Variants in ASXL1 observed in about 807,000 individuals in gnomAD.
ASXL1 encodes the protein ASXL transcriptional regulator 1.
A neutral mutation model predicts 89.1 loss-of-function variants in ASXL1; 65 were observed. The observed-to-expected ratio is 0.73, with a 90% CI of 0.60 to 0.90. The LOEUF is 0.90. Ranked by LOEUF, ASXL1 falls within the 40% of genes least tolerant of loss-of-function variation. The probability of loss-of-function intolerance (pLI) is 0.00; values close to 1 mark genes in which losing one functional copy is unlikely to be tolerated. For missense variants in ASXL1, 1,786 were observed against 1,942.9 expected (o/e 0.92, Z 1.52); for synonymous variants, 739 against 746.9 (o/e 0.99, Z 0.17).
rs2048050678 is a variant in ASXL1 at position 32,358,570 on chromosome 20, C to T, written c.-206C>T. The stretch of plus-strand genomic sequence containing the variant: ...ACTGACGCAGCGCGGGCGCGTGGAG[C>T]CGCCGCCGCCCCTCCCCCACCGCCG... On this transcript the variant is annotated 5_prime_UTR_variant, in exon 1 of 13. Coordinates refer to ENST00000375687, the MANE Select transcript of ASXL1 (RefSeq NM_015338.6). 4 of 201,236 alleles carry T rather than the reference C, an allele frequency of 2.0e-5. No homozygotes were observed. Among genetic ancestry groups the T allele is most frequent in the Non-Finnish European group, 1.0e-5 (1 of 98,296 alleles). The allele number at this position is 201,236 out of a possible 1,614,324, so 12.5% of individuals were successfully genotyped here.
rs759768826 is a variant in ASXL1 at position 32,437,091 on chromosome 20, C to T, written c.4379C>T (p.Ser1460Phe). ...SSTSFNYSSS[S>F]PTFPKGLAGS... is the part of the protein sequence containing the mutation. Reference sequence around the variant, plus strand: ...ACCAGCTTTAATTATTCCTCTAGCTCTCCCACCTTTCCCAAAGGCCTTGCT... The same window carrying T: ...ACCAGCTTTAATTATTCCTCTAGCTTTCCCACCTTTCCCAAAGGCCTTGCT... Residue 1460 changes from serine (S) to phenylalanine (F), a missense_variant, in exon 13 of 13, where the codon TCT becomes TTT. This residue lies in a region of ASXL1 where 1,418 missense variants were observed against 1,427.8 expected (regional missense o/e 0.99). Transcript: ENST00000375687. 2.4e-5 allele frequency: 38 copies of T among 1,614,088 alleles called. No individual in the cohort carries two copies. The highest frequency in any genetic ancestry group is 1.7e-6 in the Non-Finnish European group (2 of 1,180,048).
At chr20:32,369,309 C>A (rs759713091) in intron 4 of ASXL1, among the ~76,000 whole-genome samples, 186 bp downstream of exon 4, 1 of 152,008 alleles carries the variant, frequency 6.6e-6, no homozygotes, top group Non-Finnish European at 1.5e-5. Flanking sequence ...TGCAATGGGG[C>A]GAGATCTCGG....
In ASXL1 at chr20:32,434,624, A is replaced by G. The variant is rs2011670609; in HGVS notation, c.1912A>G (p.Thr638Ala). ...RGHHCHREAA[T>A]TAIGGGGGPG... ...TCACCACTGCCATAGAGAGGCGGCC[A>G]CCACTGCCATCGGAGGGGGGGGTGG... The change falls in exon 13 of 13, where the codon ACC becomes GCC. Residue 638 changes from threonine to alanine, a missense_variant. Around this residue, in one of 3 missense-constraint regions of ASXL1, gnomAD observed 1,418 missense variants for 1,427.8 expected, o/e 0.99. Coordinates refer to ENST00000375687, the MANE Select transcript of ASXL1 (RefSeq NM_015338.6). 2 of 1,609,494 alleles carry G rather than the reference A, an allele frequency of 1.2e-6. No homozygotes were observed. The highest frequency in any genetic ancestry group is 1.3e-5 in the African/African-American group (1 of 74,776).
chr20:32,392,807 G>T (rs925353003), intron 4 of ASXL1, among the ~76,000 whole-genome samples: 7 of 151,830 alleles, frequency 4.6e-5, no homozygotes, highest in African/African-American at 1.7e-4. Context: ...ACTGATTTTT[G>T]ATTTAATTCC....
chr20:32,436,942 C>T lies in ASXL1; in HGVS notation c.4230C>T (p.Phe1410=), dbSNP rs761167291. The change falls in exon 13 of 13, where the codon TTC becomes TTT. Residue 1410 remains phenylalanine (F), a synonymous_variant. Transcript: ENST00000375687. ...EGMPFVMDLP[F]WKLPREPGKG... is the part of the protein sequence containing the mutation. Reference sequence around the variant, plus strand: ...TGCCCTTTGTCATGGACTTGCCCTTCTGGAAATTACCCCGAGAGCCAGGGA... The same window carrying T: ...TGCCCTTTGTCATGGACTTGCCCTTTTGGAAATTACCCCGAGAGCCAGGGA... 10 of 1,614,198 alleles carry T rather than the reference C, an allele frequency of 6.2e-6. 1 individual carries two copies. Among genetic ancestry groups the T allele is most frequent in the Non-Finnish European group, 6.8e-6 (8 of 1,180,046 alleles).
intron 4 of ASXL1, among the ~76,000 whole-genome samples, chr20:32,419,556 G>A (rs2049202189): frequency 6.6e-6 from 1 of 151,956 alleles, no homozygotes; most frequent in Admixed American, 6.6e-5. Context: ...TTCATAAAAT[G>A]ATGATATTTC....
chr20:32,432,166 C>T (rs533330770), intron 10 of ASXL1, among the ~76,000 whole-genome samples: 9 of 152,218 alleles, frequency 5.9e-5, no homozygotes, highest in Non-Finnish European at 7.4e-5. Context: ...TACAGGGCTG[C>T]GGTTTATTAC....
chr20:32,358,957 T>G, intron 1 of ASXL1, 125 bp downstream of exon 1: 5 of 1,035,690 alleles, frequency 4.8e-6, no homozygotes, highest in Non-Finnish European at 6.7e-6. Context: ...GCCATCTTCC[T>G]TTAAGAACGG....
At position 32,436,234 on chromosome 20, in the gene ASXL1, G is replaced by C. The variant is rs747485168; in HGVS notation, c.3522G>C (p.Lys1174Asn). ...GCCCCAGTTCTTTAAGGGCTTTGAA[G>C]GAGCCTCTTCTGCCAGATAGCTGTG... is the stretch of plus-strand genomic sequence containing the variant. ...GSSPSSLRALKEPLLPDSCET... is the reference protein window; with the variant it reads ...GSSPSSLRALNEPLLPDSCET... The change falls in exon 13 of 13, where the codon AAG becomes AAC. Residue 1174 changes from lysine to asparagine, a missense_variant. Coordinates refer to ENST00000375687, the MANE Select transcript of ASXL1 (RefSeq NM_015338.6). 1.1e-5 allele frequency: 17 copies of C among 1,614,138 alleles called. No individual in the cohort carries two copies. In the Admixed American group the frequency reaches 2.8e-4, roughly 27 times the overall value.
Position 32,436,762 on chromosome 20 carries a change from G to A in ASXL1, c.4050G>A (p.Gln1350=). The A allele has an allele frequency of 6.2e-7, 1 of 1,614,190 alleles. No homozygotes were observed. Among genetic ancestry groups the A allele is most frequent in the Non-Finnish European group, 8.5e-7 (1 of 1,180,038 alleles). Reference sequence around the variant, plus strand: ...CAAACTCCATGTCTGGTGGGGTACAGACTCCAAGGGAAGACTGGGCTCCAA... The same window carrying A: ...CAAACTCCATGTCTGGTGGGGTACAAACTCCAAGGGAAGACTGGGCTCCAA... ...PSTNSMSGGV[Q]TPREDWAPKP... The change falls in exon 13 of 13, where the codon CAG becomes CAA. Residue 1350 remains glutamine (Q), a synonymous_variant. Transcript: ENST00000375687.
At chr20:32,427,001 C>A (rs912821661) in intron 4 of ASXL1, 1 of 152,092 alleles carries the variant, frequency 6.6e-6, no homozygotes, top group African/African-American at 2.4e-5. Context: ...ATTTATGGTG[C>A]CTTTTTAGCA....
chr20:32,376,874 T>C (rs940112019), intron 4 of ASXL1, among the ~76,000 whole-genome samples: 3 of 145,076 alleles, frequency 2.1e-5, no homozygotes, highest in South Asian at 2.1e-4. Context: ...TTATATGTTA[T>C]ATATTTTATA....
chr20:32,379,088 C>T (rs2048438876), intron 4 of ASXL1, among the ~76,000 whole-genome samples: 1 of 149,704 alleles, frequency 6.7e-6, no homozygotes. Flanking sequence ...CTCTCACACA[C>T]ACACACACAC....
At position 32,434,814 on chromosome 20, in the gene ASXL1, C is replaced by T; in HGVS notation, c.2102C>T (p.Pro701Leu). 6.2e-7 allele frequency: 1 copy of T among 1,614,100 alleles called. No individual in the cohort carries two copies. The highest frequency in any genetic ancestry group is 8.5e-7 in the Non-Finnish European group (1 of 1,180,024). The change falls in exon 13 of 13, where the codon CCT becomes CTT. Residue 701 changes from proline to leucine, a missense_variant. This residue lies in a region of ASXL1 where 1,418 missense variants were observed against 1,427.8 expected (regional missense o/e 0.99). Coordinates refer to ENST00000375687, the MANE Select transcript of ASXL1 (RefSeq NM_015338.6). ...LQRTQLLPPY[P>L]LNGEHTQAGT... ...CGAACACAACTACTGCCGCCTTATC[C>T]TCTAAATGGGGAGCATACCCAGGCC...
At chr20:32,430,418 C>T (rs1182127864) in intron 8 of ASXL1, 1 of 272,418 alleles carries the variant, frequency 3.7e-6, no homozygotes, top group Non-Finnish European at 7.0e-6. Flanking sequence ...CACATTTGTT[C>T]CCAACATCTG....
chr20:32,364,687 C>T (rs563131676), intron 1 of ASXL1, among the ~76,000 whole-genome samples: 170 of 152,298 alleles, frequency 1.1e-3, no homozygotes, highest in Admixed American at 3.3e-3. Flanking sequence ...TGTGCACCAC[C>T]GTGCCTGGCC....
At chr20:32,382,873 A>G (rs2048513253) in intron 4 of ASXL1, among the ~76,000 whole-genome samples, 1 of 152,142 alleles carries the variant, frequency 6.6e-6, no homozygotes, top group Non-Finnish European at 1.5e-5. Flanking sequence ...AATCTCATCA[A>G]ATATATGTGA....
At chr20:32,419,684 T>C (rs1213746452) in intron 4 of ASXL1, among the ~76,000 whole-genome samples, 1 of 136,172 alleles carries the variant, frequency 7.3e-6, no homozygotes, top group Non-Finnish European at 1.5e-5. Flanking sequence ...ATATATTTTC[T>C]TTTTTTTTTT....
chr20:32,366,403 A>G lies in ASXL1; in HGVS notation c.77A>G (p.Asp26Gly). 1.9e-6 allele frequency: 3 copies of G among 1,613,564 alleles called. No homozygotes were observed. The highest frequency in any genetic ancestry group is 2.5e-6 in the Non-Finnish European group (3 of 1,179,468). The change falls in exon 2 of 13, where the codon GAT becomes GGT. Residue 26 changes from aspartate to glycine, a missense_variant. By Grantham distance (94) the Asp-to-Gly change is moderately conservative. Coordinates refer to ENST00000375687, the MANE Select transcript of ASXL1 (RefSeq NM_015338.6). ...AARLVLENYS[D>G]APMTPKQILQ... ...CTTCAGGTATTAGAAAACTACTCGG[A>G]TGCTCCAATGACACCAAAACAGATT...
Sources: allele counts gnomAD v4.1 joint callset (sites outside exome capture counted in the v4.1 genomes callset), GRCh38; gene constraint gnomAD v4.1.1; regional missense constraint gnomAD v4.1.1; transcripts MANE v1.5; gene names NCBI Gene and HGNC (gene_info 2026-07-23, HGNC 2026-07-21).